Variants in KATNB1 observed in about 807,000 individuals in gnomAD.
The protein encoded by KATNB1 is katanin p80 WD40 repeat-containing subunit B1.
A neutral mutation model predicts 82.3 loss-of-function variants in KATNB1; 38 were observed. The observed-to-expected ratio is 0.46, with a 90% CI of 0.36 to 0.61. The LOEUF is 0.61. KATNB1 is among the 20% of genes least tolerant of loss of function. The probability of loss-of-function intolerance (pLI) is 0.00; values close to 1 mark genes in which losing one functional copy is unlikely to be tolerated. For synonymous variants in KATNB1, 361 were observed against 368.7 expected, an observed-to-expected ratio of 0.98 and a Z score of 0.24; for missense variants, 749 against 915.7, an observed-to-expected ratio of 0.82 and a Z score of 2.35.
At chr16:57,746,757 G>A (rs1463190654) in intron 4 of KATNB1, among the ~76,000 whole-genome samples, 9 of 152,216 alleles carry the variant, frequency 5.9e-5, no homozygotes, top group Admixed American at 4.6e-4. Flanking sequence ...AGAGAGGCTG[G>A]AAATCTGGAA....
rs781969053 is a variant in KATNB1 at position 57,753,218 on chromosome 16, C to T, written c.997C>T (p.Leu333Phe). ...GCCACTGCCCAACCCCAGCGCCCCC[C>T]TCCGGCGCATCTATGAGCGGCCCAG... The part of the protein sequence containing the change: ...AQPLPNPSAP[L>F]RRIYERPSTT... Residue 333 changes from leucine to phenylalanine, a missense_variant, in exon 11 of 20, where the codon CTC (leucine) becomes TTC (phenylalanine). By Grantham distance (22) the Leu-to-Phe change is conservative. This residue lies in a region of KATNB1 where 407 missense variants were observed against 434.7 expected (regional missense o/e 0.94). Coordinates refer to ENST00000379661, the MANE Select transcript of KATNB1 (RefSeq NM_005886.3). 25 of 1,607,238 alleles carry T rather than the reference C, an allele frequency of 1.6e-5. No individual in the cohort carries two copies. Among genetic ancestry groups the T allele is most frequent in the Admixed American group, 8.4e-5 (5 of 59,836 alleles).
rs782009135 is a variant in KATNB1, at chr16:57,751,318, G to A, written c.432+16G>A. 1.2e-6 allele frequency: 2 copies of A among 1,612,626 alleles called. No homozygotes were observed. The highest frequency in any genetic ancestry group is 1.7e-6 in the Non-Finnish European group (2 of 1,178,694). Reference sequence around the variant, plus strand: ...CCGATACAGGGTAAGGATGCGCTCTGTCGGTGACTCCATGAGCACCTTGCG... The same window carrying A: ...CCGATACAGGGTAAGGATGCGCTCTATCGGTGACTCCATGAGCACCTTGCG... On this transcript the variant is annotated intron_variant, in intron 6 of 19. Coordinates refer to ENST00000379661, the MANE Select transcript of KATNB1 (RefSeq NM_005886.3). The surrounding 1 kb of genome is among the most constrained non-coding windows in gnomAD (Gnocchi z 6.3).
Position 57,751,810 on chromosome 16 carries a change from C to T in KATNB1, c.516+86C>T. 4.9e-6 allele frequency: 7 copies of T among 1,433,464 alleles called. No individual in the cohort carries two copies. In the Admixed American group the frequency reaches 5.2e-5, roughly 11 times the overall value. 88.8% of individuals were successfully genotyped at this position (1,433,464 alleles called of 1,614,324 possible). A position where few individuals can be genotyped will look rare whatever the true frequency, so the allele number is the denominator to read the frequency against. ...GCTGAGTCCTCACCTCCCTCCTGAT[C>T]GGGCTCACATGTCCCAAGCCTATCC... is the stretch of plus-strand genomic sequence containing the variant. On this transcript the variant is annotated intron_variant, in intron 7 of 19. Transcript: ENST00000379661. The surrounding 1 kb of genome is among the most constrained non-coding windows in gnomAD (Gnocchi z 6.3).
chr16:57,741,561 G>A, intron 2 of KATNB1, 126 bp from the exon 3 acceptor site: 1 of 989,728 alleles, frequency 1.0e-6, no homozygotes, highest in Non-Finnish European at 1.5e-6. Context: ...CAAAGGGGGA[G>A]CTGAAGGAGG....
chr16:57,756,278 C>T (rs1597832303), intron 18 of KATNB1, 78 bp from the exon 19 acceptor site: 4 of 1,338,538 alleles, frequency 3.0e-6, no homozygotes, highest in Non-Finnish European at 4.3e-6. Context: ...CTGCCCCTCT[C>T]CTCCTTTGTT....
rs1410905424 is a variant in KATNB1 at position 57,753,121 on chromosome 16, G to A, written c.900G>A (p.Val300=). The A allele has an allele frequency of 6.2e-7, 1 of 1,610,454 alleles. No homozygotes were observed. The highest frequency in any genetic ancestry group is 1.7e-5 in the Admixed American group (1 of 59,940). ...FSQSNVSSYV[V]DLTRVTRTGT... ...AGAGCAACGTCTCCTCCTACGTGGT[G>A]GATCTGACGCGTGTCACCAGGACTG... The change falls in exon 11 of 20, where the codon GTG becomes GTA. Residue 300 remains valine (V), a synonymous_variant. Coordinates refer to ENST00000379661, the MANE Select transcript of KATNB1 (RefSeq NM_005886.3).
intron 4 of KATNB1, among the ~76,000 whole-genome samples, chr16:57,750,169 G>C (rs1283220168): frequency 2.0e-5 from 3 of 152,156 alleles, no homozygotes; most frequent in Non-Finnish European, 4.4e-5. Flanking sequence ...TCTTGGGTGG[G>C]GTTCAGTGCC....
chr16:57,751,940 C>G lies in KATNB1; in HGVS notation c.517C>G (p.Leu173Val). 6.2e-7 allele frequency: 1 copy of G among 1,611,468 alleles called. No individual in the cohort carries two copies. The change falls in exon 8 of 20, where the codon CTC (leucine) becomes GTC (valine). Residue 173 changes from leucine to valine, a missense_variant and splice_region_variant. Transcript: ENST00000379661. The surrounding 1 kb of genome is among the most constrained non-coding windows in gnomAD (Gnocchi z 6.3). ...ASAADDHTVK[L>V]WDLTAGKMMS... ...GACCTCCTCCCTGCCCTGCCTCCAGCTCTGGGATCTCACTGCCGGCAAGAT... is the reference window on the plus strand; with the variant it reads ...GACCTCCTCCCTGCCCTGCCTCCAGGTCTGGGATCTCACTGCCGGCAAGAT...
At chr16:57,744,899 C>T (rs1555580997) in intron 4 of KATNB1, among the ~76,000 whole-genome samples, 1 of 152,182 alleles carries the variant, frequency 6.6e-6, no homozygotes, top group Non-Finnish European at 1.5e-5. Context: ...AACCGGGGAG[C>T]TTGTACCCTG....
At position 57,753,255 on chromosome 16, in the gene KATNB1, G is replaced by T; in HGVS notation, c.1034G>T (p.Ser345Ile). 1 of 1,599,878 alleles carries T rather than the reference G, an allele frequency of 6.3e-7. No homozygotes were observed. The change falls in exon 11 of 20, where the codon AGC becomes ATC. Residue 345 changes from serine (S) to isoleucine (I), a missense_variant. Ser to Ile is a moderately radical substitution (Grantham distance 142). Transcript: ENST00000379661. ...TATGAGCGGCCCAGCACAACCTGCA[G>T]CAAGCCTCAGAGGTGAGGGCCTGGG... ...RIYERPSTTCSKPQRVKQNSE... is the reference protein window; with the variant it reads ...RIYERPSTTCIKPQRVKQNSE...
At chr16:57,740,468 G>A (rs2049133646) in intron 2 of KATNB1, among the ~76,000 whole-genome samples, 1 of 152,242 alleles carries the variant, frequency 6.6e-6, no homozygotes, top group Non-Finnish European at 1.5e-5. Flanking sequence ...GTCGGAGCTG[G>A]GGTGCAGGAG....
At chr16:57,754,287 A>C (rs1183946264) in intron 13 of KATNB1, among the ~76,000 whole-genome samples, 1 of 152,190 alleles carries the variant, frequency 6.6e-6, no homozygotes, top group African/African-American at 2.4e-5. Flanking sequence ...GAGAGGAGTC[A>C]CTGGGGGCCC....
chr16:57,750,267 G>A (rs542888121), intron 4 of KATNB1, among the ~76,000 whole-genome samples: 2 of 152,318 alleles, frequency 1.3e-5, no homozygotes, highest in South Asian at 4.1e-4. Context: ...AGTCTGTGGG[G>A]AGAGTGTGGT....
rs371014561 is a variant in KATNB1 at position 57,753,369 on chromosome 16, GC to G, written c.1047-19del. ...CTCACAGGGCACCTGCTTCCGTTGG[GC>G]TTGGCCTCACGCTCCCAGGGTGAAG... On this transcript the variant is annotated intron_variant, in intron 11 of 19. Transcript: ENST00000379661. 7.2e-4 allele frequency: 1,156 copies of G among 1,606,160 alleles called. 7 individuals carry two copies. In the African/African-American group the frequency reaches 0.014, roughly 20 times the overall value.
chr16:57,751,020 C>T lies in KATNB1; in HGVS notation c.390+93C>T. On this transcript the variant is annotated intron_variant, in intron 5 of 19. Transcript: ENST00000379661. This position sits in a 1 kb window ranked among gnomAD's most constrained non-coding sequence, Gnocchi z 6.3. ...CAGTGCTGGATGCCTGCTGAGGGGACCTCTTCCCTTTCTGCAGCCACATCC... is the reference window on the plus strand; with the variant it reads ...CAGTGCTGGATGCCTGCTGAGGGGATCTCTTCCCTTTCTGCAGCCACATCC... 1 of 1,065,918 alleles carries T rather than the reference C, an allele frequency of 9.4e-7. No homozygotes were observed. The allele number at this position is 1,065,918 out of a possible 1,614,324, so 66.0% of individuals were successfully genotyped here.
chr16:57,754,256 G>A (rs1157125796), intron 13 of KATNB1, among the ~76,000 whole-genome samples: 1 of 152,210 alleles, frequency 6.6e-6, no homozygotes, highest in Non-Finnish European at 1.5e-5. Flanking sequence ...CCTGCCAGGG[G>A]CACTCGGGCT....
chr16:57,745,213 C>T (rs1443284137), intron 4 of KATNB1, among the ~76,000 whole-genome samples: 4 of 152,130 alleles, frequency 2.6e-5, no homozygotes, highest in Admixed American at 6.6e-5. Flanking sequence ...TCTTTCTTTT[C>T]TTATTTAAAA....
chr16:57,754,243 G>A (rs1470618659), intron 13 of KATNB1, among the ~76,000 whole-genome samples: 3 of 152,070 alleles, frequency 2.0e-5, no homozygotes, highest in African/African-American at 7.2e-5. Context: ...CCACACTGGG[G>A]GGCCTGCCAG....
chr16:57,753,282 G>A lies in KATNB1; in HGVS notation c.1046+15G>A. On this transcript the variant is annotated intron_variant, in intron 11 of 19. Transcript: ENST00000379661. ...AAGCCTCAGAGGTGAGGGCCTGGGG[G>A]GCCTTCGGGGGCCCAGGAGAGGGAC... 6.3e-7 allele frequency: 1 copy of A among 1,584,256 alleles called. No individual in the cohort carries two copies. The highest frequency in any genetic ancestry group is 1.1e-5 in the South Asian group (1 of 89,308).
Sources: gnomAD v4.1 joint callset for allele counts (sites outside exome capture counted in the v4.1 genomes callset) on GRCh38, gnomAD v4.1.1 for gene constraint, gnomAD v4.1.1 regional missense constraint, Gnocchi (gnomAD v3.1) non-coding constraint, MANE v1.5 for transcripts, NCBI Gene and HGNC (gene_info 2026-07-23, HGNC 2026-07-21) for gene names.